Variants in PLXNA2 observed in about 807,000 individuals in gnomAD.
PLXNA2 encodes plexin A2, also known as plexin-A2.
A neutral mutation model predicts 193.5 loss-of-function variants in PLXNA2; 91 were observed. That is an observed-to-expected ratio of 0.47 (90% CI 0.40 to 0.56). PLXNA2 has a LOEUF of 0.56. Ranked by LOEUF, PLXNA2 falls within the 20% of genes least tolerant of loss-of-function variation. The pLI, the probability that PLXNA2 is intolerant of heterozygous loss-of-function variation, is 0.00. For missense variants in PLXNA2, 1,995 were observed against 2,503.2 expected, an observed-to-expected ratio of 0.80 and a Z score of 4.33; for synonymous variants, 997 against 1,027.3, an observed-to-expected ratio of 0.97 and a Z score of 0.56.
At chr1:208,103,815 G>T (rs546805503) in intron 4 of PLXNA2, among the ~76,000 whole-genome samples, 1 of 152,314 alleles carries the variant, frequency 6.6e-6, no homozygotes, top group South Asian at 2.1e-4. Flanking sequence ...CCTTTGAAAA[G>T]TCTGGCTAAA....
chr1:208,033,968 C>A (rs1664590231), intron 27 of PLXNA2, among the ~76,000 whole-genome samples: 1 of 152,114 alleles, frequency 6.6e-6, no homozygotes, highest in African/African-American at 2.4e-5. Flanking sequence ...TGGGTTCAGT[C>A]CTGTGGTGCC....
At chr1:208,058,471 A>T (rs1230051583) in intron 13 of PLXNA2, among the ~76,000 whole-genome samples, 1 of 152,190 alleles carries the variant, frequency 6.6e-6, no homozygotes, top group East Asian at 1.9e-4. Context: ...CCTTTTAGCC[A>T]AATTCATCTC....
At chr1:208,105,732 C>T (rs1395617437) in intron 4 of PLXNA2, among the ~76,000 whole-genome samples, 1 of 152,222 alleles carries the variant, frequency 6.6e-6, no homozygotes, top group Non-Finnish European at 1.5e-5. Flanking sequence ...ACCCTGGCTG[C>T]CTGGGAGGCT....
chr1:208,084,314 T>C, intron 10 of PLXNA2, 66 bp downstream of exon 10: 2 of 1,543,828 alleles, frequency 1.3e-6, no homozygotes, highest in Non-Finnish European at 1.8e-6. Flanking sequence ...CTGGCCATAC[T>C]GAGGCCCCAG....
rs1247608844 is a variant in PLXNA2, at chr1:208,217,930, G to A, written c.-8C>T. ...GGGCCGCCTCTGTTCCATGCTGAGAGGGGCGGCGGTGAGGAGACGGCTCCT... is the reference window on the plus strand; with the variant it reads ...GGGCCGCCTCTGTTCCATGCTGAGAAGGGCGGCGGTGAGGAGACGGCTCCT... On this transcript the variant is annotated 5_prime_UTR_variant, in exon 2 of 32. Transcript: ENST00000367033. The surrounding 1 kb of genome is among the most constrained non-coding windows in gnomAD (Gnocchi z 4.7). The A allele has an allele frequency of 4.4e-6, 7 of 1,606,734 alleles. No individual in the cohort carries two copies. The highest frequency in any genetic ancestry group is 1.3e-5 in the African/African-American group (1 of 75,018).
chr1:208,127,502 A>T lies in PLXNA2; in HGVS notation c.1506+14827T>A, dbSNP rs561800967. Reference sequence around the variant, plus strand: ...CACTACAATTGTCCCTATTCCCAACAGCCACCCTCCACTTCCCGAGGTGCA... The same window carrying T: ...CACTACAATTGTCCCTATTCCCAACTGCCACCCTCCACTTCCCGAGGTGCA... On this transcript the variant is annotated intron_variant, in intron 4 of 31. Transcript: ENST00000367033. 2.6e-5 allele frequency among the ~76,000 whole-genome samples: 4 copies of T among 152,314 alleles called. No homozygotes were observed. The East Asian group carries it at 7.7e-4, about 29-fold the overall frequency.
chr1:208,226,590 A>G (rs1201422782), intron 1 of PLXNA2, among the ~76,000 whole-genome samples: 1 of 152,094 alleles, frequency 6.6e-6, no homozygotes, highest in Non-Finnish European at 1.5e-5. Context: ...AACAAGATTC[A>G]TTACCCTGGG....
chr1:208,163,730 A>C (rs1382466782), intron 3 of PLXNA2, among the ~76,000 whole-genome samples: 1 of 152,200 alleles, frequency 6.6e-6, no homozygotes, highest in East Asian at 1.9e-4. Flanking sequence ...ACATCTCTAC[A>C]ACACTGGCCA....
chr1:208,044,836 C>A lies in PLXNA2; in HGVS notation c.3640-94G>T. Reference sequence around the variant, plus strand: ...CCTTACAGTGCGAGGAAGGACATGACAGACCACAACCACACAGTGCAGCTC... The same window carrying A: ...CCTTACAGTGCGAGGAAGGACATGAAAGACCACAACCACACAGTGCAGCTC... On this transcript the variant is annotated intron_variant, in intron 19 of 31. Transcript: ENST00000367033. The surrounding 1 kb of genome is among the most constrained non-coding windows in gnomAD (Gnocchi z 4.9). 1 of 1,078,614 alleles carries A rather than the reference C, an allele frequency of 9.3e-7. No homozygotes were observed. 66.8% of individuals were successfully genotyped at this position (1,078,614 alleles called of 1,614,324 possible). A position where few individuals can be genotyped will look rare whatever the true frequency, so the allele number is the denominator to read the frequency against.
chr1:208,155,871 G>T (rs143917836), intron 3 of PLXNA2, among the ~76,000 whole-genome samples: 19 of 152,332 alleles, frequency 1.2e-4, no homozygotes, highest in Non-Finnish European at 2.5e-4. Context: ...CCTGGAGGCT[G>T]CCTGGGTCTG....
intron 4 of PLXNA2, among the ~76,000 whole-genome samples, chr1:208,123,703 T>C (rs1309218081): frequency 1.3e-5 from 2 of 152,248 alleles, no homozygotes; most frequent in East Asian, 3.8e-4. Flanking sequence ...TATCTGTCAT[T>C]GTTTATGTTT....
chr1:208,052,334 A>T lies in PLXNA2; in HGVS notation c.2986T>A (p.Phe996Ile). 6.2e-7 allele frequency: 1 copy of T among 1,612,752 alleles called. No individual in the cohort carries two copies. The highest frequency in any genetic ancestry group is 2.2e-5 in the East Asian group (1 of 44,876). Residue 996 changes from phenylalanine to isoleucine, a missense_variant, in exon 15 of 32, where the codon TTC becomes ATC. Physicochemically the swap from Phe to Ile is conservative, Grantham distance 21. This residue lies in a region of PLXNA2 where 1,291 missense variants were observed against 1,673.6 expected (regional missense o/e 0.77). Transcript: ENST00000367033. ...AVYLGNQTCE[F>I]YGRSMSEIVC... ...CCTTCAAGTTTATCTCACCCGTAGAACTCGCAGGTCTGGTTGCCCAGGTAG... is the reference window on the plus strand; with the variant it reads ...CCTTCAAGTTTATCTCACCCGTAGATCTCGCAGGTCTGGTTGCCCAGGTAG...
intron 4 of PLXNA2, among the ~76,000 whole-genome samples, chr1:208,113,184 A>G (rs1014157218): frequency 5.3e-5 from 8 of 152,202 alleles, no homozygotes; most frequent in African/African-American, 1.9e-4. Context: ...GCCTGGGATT[A>G]GCCAGGTCCT....
chr1:208,063,437 T>C (rs560225891), intron 12 of PLXNA2, among the ~76,000 whole-genome samples: 4 of 152,334 alleles, frequency 2.6e-5, no homozygotes, highest in East Asian at 3.9e-4. Flanking sequence ...TCAGCTTATA[T>C]TGTTTAGAGA....
intron 3 of PLXNA2, among the ~76,000 whole-genome samples, chr1:208,202,410 C>A (rs891666286): frequency 6.6e-6 from 1 of 152,180 alleles, no homozygotes; most frequent in Middle Eastern, 3.4e-3. Flanking sequence ...CTTATGATGC[C>A]GGTACCAGAA....
intron 17 of PLXNA2, among the ~76,000 whole-genome samples, chr1:208,048,387 G>T (rs1185919842): frequency 6.6e-6 from 1 of 152,148 alleles, no homozygotes; most frequent in Non-Finnish European, 1.5e-5. Context: ...AGAAGCACAG[G>T]GCAGGGGTTC....
chr1:208,044,247 T>G lies in PLXNA2; in HGVS notation c.3874+261A>C, dbSNP rs1448124106. Among the ~76,000 whole-genome samples, 1 of 152,204 alleles carries G rather than the reference T, an allele frequency of 6.6e-6. No individual in the cohort carries two copies. Among genetic ancestry groups the G allele is most frequent in the African/African-American group, 2.4e-5 (1 of 41,458 alleles). On this transcript the variant is annotated intron_variant, in intron 20 of 31. Coordinates refer to ENST00000367033, the MANE Select transcript of PLXNA2 (RefSeq NM_025179.4). This position sits in a 1 kb window ranked among gnomAD's most constrained non-coding sequence, Gnocchi z 4.9. ...GAGGCCCTGAGAGGGAGAAAGTGTT[T>G]GCCAGATTGTGGGATGGGTCAGGGC... is the stretch of plus-strand genomic sequence containing the variant.
intron 3 of PLXNA2, among the ~76,000 whole-genome samples, chr1:208,209,616 T>C (rs1670860890): frequency 6.6e-6 from 1 of 152,110 alleles, no homozygotes; most frequent in African/African-American, 2.4e-5. Context: ...CATGCTGCCA[T>C]CCCCAGACAG....
chr1:208,167,335 A>T (rs1384297778), intron 3 of PLXNA2, among the ~76,000 whole-genome samples: 1 of 152,186 alleles, frequency 6.6e-6, no homozygotes, highest in Non-Finnish European at 1.5e-5. Context: ...TGCATTAATT[A>T]ACTAAGTAGT....
Sources: allele counts gnomAD v4.1 joint callset (sites outside exome capture counted in the v4.1 genomes callset), GRCh38; gene constraint gnomAD v4.1.1; regional missense constraint gnomAD v4.1.1; non-coding constraint Gnocchi (gnomAD v3.1); transcripts MANE v1.5; gene names NCBI Gene and HGNC (gene_info 2026-07-23, HGNC 2026-07-21).